B3GLCT: variants seen among roughly 807,000 people sequenced by gnomAD.
B3GLCT encodes beta 3-glucosyltransferase.
B3GLCT carries 65 observed loss-of-function variants against 63.4 expected under a neutral mutation model. The ratio of observed to expected loss-of-function variants is 1.03; its 90% CI spans 0.84 to 1.26. The LOEUF (loss-of-function observed/expected upper bound fraction) is 1.26, where lower values mean the gene tolerates loss of function less well. B3GLCT is among the 50% of genes most tolerant of loss of function. B3GLCT has a pLI of 0.00. For missense variants in B3GLCT, 577 were observed against 604.8 expected, an observed-to-expected ratio of 0.95 and a Z score of 0.48; for synonymous variants, 233 against 219.2, an observed-to-expected ratio of 1.06 and a Z score of -0.55.
At chr13:31,265,502 C>T (rs1175747804) in intron 7 of B3GLCT, among the ~76,000 whole-genome samples, 1 of 152,150 alleles carries the variant, frequency 6.6e-6, no homozygotes, top group Non-Finnish European at 1.5e-5. Flanking sequence ...GTCCCCAGGA[C>T]AACTGGTTAC....
At chr13:31,237,312 A>C (rs193286604) in intron 4 of B3GLCT, among the ~76,000 whole-genome samples, 35 of 151,850 alleles carry the variant, frequency 2.3e-4, no homozygotes, top group African/African-American at 8.2e-4. Context: ...GTCACTTTAA[A>C]GAGGCAGGAG....
chr13:31,312,473 G>A (rs1460492001), intron 12 of B3GLCT: 3 of 152,156 alleles, frequency 2.0e-5, no homozygotes, highest in East Asian at 1.9e-4. Context: ...TGACTATAGA[G>A]TAAAAATAGA....
intron 4 of B3GLCT, among the ~76,000 whole-genome samples, chr13:31,237,268 A>C (rs925661118): frequency 5.3e-5 from 8 of 152,296 alleles, no homozygotes; most frequent in African/African-American, 1.9e-4. Context: ...TCTGAGAATT[A>C]AATGCTGAAA....
intron 12 of B3GLCT, among the ~76,000 whole-genome samples, chr13:31,287,030 CAT>C (rs982241246): frequency 3.7e-4 from 56 of 152,240 alleles, no homozygotes; most frequent in African/African-American, 1.3e-3. Flanking sequence ...CCAAAAGAAA[CAT>C]GAAGCAAATG....
chr13:31,285,040 C>T (rs1873252389), intron 11 of B3GLCT, among the ~76,000 whole-genome samples: 1 of 152,162 alleles, frequency 6.6e-6, no homozygotes. Flanking sequence ...TTCTTTGCGA[C>T]CATGATGGGG....
chr13:31,231,010 GA>G (rs545768603), intron 4 of B3GLCT, among the ~76,000 whole-genome samples: 2,377 of 150,776 alleles, frequency 0.016, 68 homozygotes, highest in African/African-American at 0.055. Context: ...CTGTCTCAAA[GA>G]AAAAAAAAAT....
chr13:31,233,232 C>G (rs1297415463), intron 4 of B3GLCT, among the ~76,000 whole-genome samples: 1 of 152,102 alleles, frequency 6.6e-6, no homozygotes, highest in African/African-American at 2.4e-5. Flanking sequence ...CTATTTATTT[C>G]TCTCAGTGAA....
chr13:31,314,777 G>A (rs940796506), intron 12 of B3GLCT, among the ~76,000 whole-genome samples: 1 of 152,196 alleles, frequency 6.6e-6, no homozygotes, highest in Non-Finnish European at 1.5e-5. Context: ...GGGGGCAGGG[G>A]TGGAATGATA....
At chr13:31,312,193 T>C (rs1447680172) in intron 12 of B3GLCT, 3 of 152,224 alleles carry the variant, frequency 2.0e-5, no homozygotes, top group African/African-American at 7.2e-5. Flanking sequence ...TGGTGAGGAC[T>C]GAAAATGGAG....
Position 31,323,887 on chromosome 13 carries a change from T to C in B3GLCT, c.1321T>C (p.Phe441Leu), listed in dbSNP as rs1306005658. ...AATCCCTGTGACACACAGCCCTCTC[T>C]TCCATCAGGTGAGGAAATGGTTTTT... ...LGIPVTHSPL[F>L]HQARPVDYPK... The change falls in exon 14 of 15, where the codon TTC becomes CTC. Residue 441 changes from phenylalanine (F) to leucine (L), a missense_variant. By Grantham distance (22) the Phe-to-Leu change is conservative. Transcript: ENST00000343307. The C allele has an allele frequency of 1.9e-6, 3 of 1,614,200 alleles. No homozygotes were observed. The highest frequency in any genetic ancestry group is 2.5e-6 in the Non-Finnish European group (3 of 1,180,008).
At chr13:31,287,833 A>G (rs7984170) in intron 12 of B3GLCT, among the ~76,000 whole-genome samples, 32,937 of 152,168 alleles carry the variant, frequency 0.22, 3,576 homozygotes, top group Non-Finnish European at 0.22. Context: ...ACCTCTAGAG[A>G]TGAAAACTAC....
intron 12 of B3GLCT, among the ~76,000 whole-genome samples, chr13:31,294,557 T>C (rs1873837061): frequency 6.6e-6 from 1 of 152,270 alleles, no homozygotes; most frequent in South Asian, 2.1e-4. Context: ...TTCAGTAAGT[T>C]GGTCTTCAAT....
At chr13:31,232,304 G>T (rs1870418528) in intron 4 of B3GLCT, among the ~76,000 whole-genome samples, 1 of 152,216 alleles carries the variant, frequency 6.6e-6, no homozygotes, top group South Asian at 2.1e-4. Context: ...TTGGCTTATG[G>T]TTCCATAGGC....
At chr13:31,223,152 G>T (rs1159276595) in intron 3 of B3GLCT, among the ~76,000 whole-genome samples, 161 bp downstream of exon 3, 1 of 152,134 alleles carries the variant, frequency 6.6e-6, no homozygotes, top group South Asian at 2.1e-4. Context: ...TCCTGAAGAT[G>T]TGGGGCAAAC....
At chr13:31,247,819 C>A in intron 5 of B3GLCT, 36 bp from the exon 6 acceptor site, 1 of 1,074,858 alleles carries the variant, frequency 9.3e-7, no homozygotes, top group Non-Finnish European at 1.4e-6. Flanking sequence ...ACTTATTTTA[C>A]AGAAGTGATT....
chr13:31,281,612 T>A (rs992623368), intron 10 of B3GLCT, among the ~76,000 whole-genome samples: 2 of 151,670 alleles, frequency 1.3e-5, no homozygotes, highest in Non-Finnish European at 2.9e-5. Context: ...GGAGGGATAC[T>A]TTTCAGGCTT....
chr13:31,221,441 G>A (rs1869808793), intron 2 of B3GLCT, among the ~76,000 whole-genome samples: 1 of 152,212 alleles, frequency 6.6e-6, no homozygotes. Context: ...AGTGCATTCA[G>A]GGAACTGGAT....
intron 6 of B3GLCT, among the ~76,000 whole-genome samples, chr13:31,254,951 C>T (rs1182291511): frequency 6.0e-5 from 9 of 150,842 alleles, no homozygotes; most frequent in Middle Eastern, 3.4e-3. Flanking sequence ...GCAGGAGAAT[C>T]GCTTGAAGCC....
At chr13:31,264,294 G>A (rs1334189353) in intron 7 of B3GLCT, among the ~76,000 whole-genome samples, 2 of 152,104 alleles carry the variant, frequency 1.3e-5, no homozygotes, top group Admixed American at 6.5e-5. Context: ...TTTCCACAAA[G>A]CTCAGGAAAT....
Sources: gnomAD v4.1 joint callset for allele counts (sites outside exome capture counted in the v4.1 genomes callset) on GRCh38, gnomAD v4.1.1 for gene constraint, MANE v1.5 for transcripts, NCBI Gene and HGNC (gene_info 2026-07-23, HGNC 2026-07-21) for gene names.